The following COL5A2 variants were observed in gnomAD, a reference collection of about 807,000 sequenced individuals.
COL5A2 encodes collagen alpha-2(V) chain.
COL5A2 carries 23 observed loss-of-function variants against 208.2 expected under a neutral mutation model. The ratio of observed to expected loss-of-function variants is 0.11; its 90% CI spans 0.08 to 0.16. COL5A2 has a LOEUF of 0.16. Ranked by LOEUF, COL5A2 falls within the 10% of genes least tolerant of loss-of-function variation. The pLI is 1.00. For missense variants in COL5A2, 1,590 were observed against 1,956.4 expected (o/e 0.81, Z 3.53); for synonymous variants, 625 against 628.5 (o/e 0.99, Z 0.08).
At chr2:189,074,492 G>A (rs1686352972) in intron 17 of COL5A2, among the ~76,000 whole-genome samples, 1 of 152,048 alleles carries the variant, frequency 6.6e-6, no homozygotes. Context: ...CTCATTCCAT[G>A]TTACATTTTT....
chr2:189,049,776 G>A (rs763135948), intron 43 of COL5A2, among the ~76,000 whole-genome samples: 5 of 151,914 alleles, frequency 3.3e-5, no homozygotes, highest in South Asian at 2.1e-4. Context: ...CTTTTTCCCC[G>A]CTCTGCTTTG....
At chr2:189,287,264 C>A in the COL5A2 span, among the ~76,000 whole-genome samples, 4 of 151,842 alleles carry the variant, frequency 2.6e-5, no homozygotes, top group Non-Finnish European at 5.9e-5. Context: ...TGGTAGTTAT[C>A]ATTAAAGGTA....
chr2:189,071,869 A>AT (rs1269113785), intron 18 of COL5A2, among the ~76,000 whole-genome samples, 171 bp downstream of exon 18: 2 of 152,060 alleles, frequency 1.3e-5, no homozygotes, highest in Non-Finnish European at 2.9e-5. Context: ...AGTTAATTTT[A>AT]TTTTTTAATG....
At chr2:189,276,169 C>G in the COL5A2 span, among the ~76,000 whole-genome samples, 1 of 152,166 alleles carries the variant, frequency 6.6e-6, no homozygotes, top group Non-Finnish European at 1.5e-5. Context: ...AACAAAGCTG[C>G]TAGGAAATTG....
chr2:189,087,244 G>A (rs1686682475), intron 8 of COL5A2, among the ~76,000 whole-genome samples: 2 of 152,076 alleles, frequency 1.3e-5, no homozygotes, highest in East Asian at 3.8e-4. Flanking sequence ...AGTTGAAAAC[G>A]ATTTGGGGCA....
chr2:189,156,186 G>A (rs1688243263), intron 1 of COL5A2, among the ~76,000 whole-genome samples: 1 of 152,112 alleles, frequency 6.6e-6, no homozygotes, highest in East Asian at 1.9e-4. Flanking sequence ...AGGTTACAGA[G>A]ATTAGAGCAT....
the COL5A2 span, among the ~76,000 whole-genome samples, chr2:189,386,450 C>A: frequency 6.6e-6 from 1 of 152,042 alleles, no homozygotes; most frequent in South Asian, 2.1e-4. Flanking sequence ...TCCCCAAAAG[C>A]AACTGCAACA....
At chr2:189,319,628 G>A in the COL5A2 span, among the ~76,000 whole-genome samples, 8 of 152,356 alleles carry the variant, frequency 5.3e-5, no homozygotes, top group South Asian at 2.1e-4. Flanking sequence ...AGGGGCGCCC[G>A]CCATTGCTGA....
chr2:189,239,147 T>C, the COL5A2 span, among the ~76,000 whole-genome samples: 3 of 152,082 alleles, frequency 2.0e-5, no homozygotes, highest in Admixed American at 6.6e-5. Flanking sequence ...CTGATCATCA[T>C]CACAGGGAGT....
At chr2:189,107,565 C>A (rs1446494816) in intron 2 of COL5A2, among the ~76,000 whole-genome samples, 1 of 151,272 alleles carries the variant, frequency 6.6e-6, no homozygotes, top group Non-Finnish European at 1.5e-5. Context: ...CTTCCACTTA[C>A]TTTCAGTTTA....
chr2:189,271,767 A>G, the COL5A2 span, among the ~76,000 whole-genome samples: 1 of 152,208 alleles, frequency 6.6e-6, no homozygotes, highest in African/African-American at 2.4e-5. Flanking sequence ...CCATCTGACA[A>G]AGGGTTAATA....
At chr2:189,289,342 AAAAAAAG>A in the COL5A2 span, among the ~76,000 whole-genome samples, 5 of 152,220 alleles carry the variant, frequency 3.3e-5, no homozygotes, top group South Asian at 6.2e-4. Context: ...CTCTATCTAA[AAAAAAAG>A]AAAAAAGAAA....
upstream of COL5A2, among the ~76,000 whole-genome samples, chr2:189,183,283 C>G (rs1238243141): frequency 6.6e-6 from 1 of 152,108 alleles, no homozygotes; most frequent in African/African-American, 2.4e-5. Context: ...GTCTCACATA[C>G]TCCTTTTATG....
intron 1 of COL5A2, among the ~76,000 whole-genome samples, chr2:189,208,877 G>A (rs754769683): frequency 1.2e-4 from 18 of 152,088 alleles, no homozygotes; most frequent in Non-Finnish European, 2.6e-4. Context: ...TGGAAGAATG[G>A]AAGAAAGGAA....
chr2:189,337,850 T>C, the COL5A2 span, among the ~76,000 whole-genome samples: 2 of 151,766 alleles, frequency 1.3e-5, no homozygotes, highest in African/African-American at 2.4e-5. Context: ...TTTTGGAAAG[T>C]TCCCTGCAAC....
chr2:189,324,513 G>A, the COL5A2 span, among the ~76,000 whole-genome samples: 2 of 152,124 alleles, frequency 1.3e-5, no homozygotes, highest in Non-Finnish European at 2.9e-5. Flanking sequence ...AAGGATATGA[G>A]CAGACATTTC....
At position 189,034,917 on chromosome 2, in the gene COL5A2, G is replaced by A. The variant is rs1474893346; in HGVS notation, c.4352C>T (p.Ser1451Phe). ...FRYIVLQDTCSKRNGNVGKTV... is the reference protein window; with the variant it reads ...FRYIVLQDTCFKRNGNVGKTV... ...CAATGTAGATCAAAAAGTACTTACA[G>A]AGCAAGTGTCTTGAAGAACGATATA... Residue 1451 changes from serine (S) to phenylalanine (F), a missense_variant and splice_region_variant, in exon 53 of 54, where the codon TCT (serine) becomes TTT (phenylalanine). Ser to Phe is a radical substitution (Grantham distance 155, BLOSUM62 -2). Transcript: ENST00000374866. The A allele has an allele frequency of 6.2e-7, 1 of 1,613,816 alleles. No homozygotes were observed. Among genetic ancestry groups the A allele is most frequent in the East Asian group, 2.2e-5 (1 of 44,832 alleles).
chr2:189,141,051 C>G (rs1576551882), intron 1 of COL5A2, among the ~76,000 whole-genome samples: 1 of 151,954 alleles, frequency 6.6e-6, no homozygotes, highest in African/African-American at 2.4e-5. Context: ...TATAAAATAG[C>G]CAGATGTATT....
At chr2:189,295,952 T>TC in the COL5A2 span, among the ~76,000 whole-genome samples, 5,617 of 152,268 alleles carry the variant, frequency 0.037, 119 homozygotes, top group Admixed American at 0.05. Flanking sequence ...GATGTGGTTT[T>TC]TTTGTATTTA....
Sources: allele counts gnomAD v4.1 joint callset (sites outside exome capture counted in the v4.1 genomes callset), GRCh38; gene constraint gnomAD v4.1.1; transcripts MANE v1.5; gene names NCBI Gene and HGNC (gene_info 2026-07-23, HGNC 2026-07-21).